The following TRIM62 variants were observed in gnomAD, a reference collection of about 807,000 sequenced individuals.
The protein encoded by TRIM62 is tripartite motif containing 62.
A neutral mutation model predicts 44.2 loss-of-function variants in TRIM62; 39 were observed. That is an observed-to-expected ratio of 0.88 (90% CI 0.68 to 1.15). The LOEUF (loss-of-function observed/expected upper bound fraction) is 1.15, where lower values mean the gene tolerates loss of function less well. Among genes scored for constraint, TRIM62 ranks in the 50% most tolerant of loss-of-function variants. TRIM62 has a pLI of 0.00. For missense variants in TRIM62, 544 were observed against 665.5 expected, an observed-to-expected ratio of 0.82 and a Z score of 2.01; for synonymous variants, 278 against 292.3, an observed-to-expected ratio of 0.95 and a Z score of 0.50.
chr1:33,147,296 A>G lies in TRIM62; in HGVS notation c.1309T>C (p.Trp437Arg). ...LIFYNADDMS[W>R]LYTFREKFPG... ...AACTTCTCGCGGAAGGTGTAGAGCC[A>G]GGACATGTCATCAGCATTGTAGAAG... Residue 437 changes from tryptophan to arginine, a missense_variant, in exon 5 of 5, where the codon TGG becomes CGG. Physicochemically the swap from Trp to Arg is moderately radical, Grantham distance 101 (BLOSUM62 -3). Coordinates refer to ENST00000291416, the MANE Select transcript of TRIM62 (RefSeq NM_018207.3). The surrounding 1 kb of genome is among the most constrained non-coding windows in gnomAD (Gnocchi z 8.1). The G allele has an allele frequency of 6.2e-7, 1 of 1,614,060 alleles. No individual in the cohort carries two copies. Among genetic ancestry groups the G allele is most frequent in the Non-Finnish European group, 8.5e-7 (1 of 1,179,998 alleles).
Position 33,147,510 on chromosome 1 carries a change from G to A in TRIM62, c.1095C>T (p.Ile365=). Residue 365 remains isoleucine, a synonymous_variant, in exon 5 of 5, where the codon ATC becomes ATT. Transcript: ENST00000291416. The surrounding 1 kb of genome is among the most constrained non-coding windows in gnomAD (Gnocchi z 8.1). ...GGCTTGCGGCTTCGTGTGCCAGCCC[G>A]ATCACCCACTGGGTCTTCTCCGCCA... is the stretch of plus-strand genomic sequence containing the variant. ...VVVAEKTQWV[I]GLAHEAASRK... 4.3e-6 allele frequency: 7 copies of A among 1,613,246 alleles called. No individual in the cohort carries two copies. The highest frequency in any genetic ancestry group is 4.5e-5 in the East Asian group (2 of 44,866).
At chr1:33,172,807 G>A (rs551814947) in intron 1 of TRIM62, among the ~76,000 whole-genome samples, 1 of 152,308 alleles carries the variant, frequency 6.6e-6, no homozygotes, top group South Asian at 2.1e-4. Flanking sequence ...GGACAAAGCA[G>A]CTGTGGAAAG....
intron 1 of TRIM62, among the ~76,000 whole-genome samples, chr1:33,169,238 C>CA (rs1455103101): frequency 6.6e-6 from 1 of 152,116 alleles, no homozygotes; most frequent in Non-Finnish European, 1.5e-5. Context: ...CTCCTCTCCC[C>CA]ATATTCCCCA....
intron 4 of TRIM62, among the ~76,000 whole-genome samples, chr1:33,155,730 A>C (rs1410847603): frequency 6.6e-6 from 1 of 152,206 alleles, no homozygotes; most frequent in Admixed American, 6.5e-5. Flanking sequence ...TCACTTCTCT[A>C]TCCAGGTCTC....
Position 33,181,294 on chromosome 1 carries a change from C to T in TRIM62, c.139G>A (p.Ala47Thr), listed in dbSNP as rs1645461678. The T allele has an allele frequency of 6.4e-7, 1 of 1,551,530 alleles. No homozygotes were observed. Residue 47 changes from alanine (A) to threonine (T), a missense_variant, in exon 1 of 5, where the codon GCC becomes ACC. By Grantham distance (58) the Ala-to-Thr change is moderately conservative (BLOSUM62 0). Transcript: ENST00000291416. The surrounding 1 kb of genome is among the most constrained non-coding windows in gnomAD (Gnocchi z 6.5). Reference protein sequence around the residue: ...EHWVRQEAQGARDCPECRRTF... With the variant: ...EHWVRQEAQGTRDCPECRRTF... ...CGCCGGCACTCGGGGCAGTCGCGGG[C>T]GCCCTGCGCCTCCTGCCGCACCCAG...
chr1:33,172,327 G>T (rs1557761195), intron 1 of TRIM62, among the ~76,000 whole-genome samples: 1 of 152,156 alleles, frequency 6.6e-6, no homozygotes, highest in Non-Finnish European at 1.5e-5. Flanking sequence ...CTCCAGGATG[G>T]GCCAGGGCAT....
chr1:33,172,242 G>A (rs534613140), intron 1 of TRIM62, among the ~76,000 whole-genome samples: 2 of 152,306 alleles, frequency 1.3e-5, no homozygotes, highest in Non-Finnish European at 2.9e-5. Context: ...GACTCAGAAC[G>A]GGGGGAGCTT....
intron 1 of TRIM62, among the ~76,000 whole-genome samples, chr1:33,168,456 G>A (rs1645347749): frequency 6.6e-6 from 1 of 152,120 alleles, no homozygotes; most frequent in Non-Finnish European, 1.5e-5. Flanking sequence ...TGGATTTCAA[G>A]CCATCAGTGT....
At position 33,181,272 on chromosome 1, in the gene TRIM62, C is replaced by T; in HGVS notation, c.161G>A (p.Arg54Gln). Residue 54 changes from arginine (R) to glutamine (Q), a missense_variant, in exon 1 of 5, where the codon CGG (arginine) becomes CAG (glutamine). Coordinates refer to ENST00000291416, the MANE Select transcript of TRIM62 (RefSeq NM_018207.3). This position sits in a 1 kb window ranked among gnomAD's most constrained non-coding sequence, Gnocchi z 6.5. ...AQGARDCPEC[R>Q]RTFAEPALAP... is the part of the protein sequence containing the mutation. ...CAGCGCGGGCTCGGCGAACGTGCGC[C>T]GGCACTCGGGGCAGTCGCGGGCGCC... 1 of 1,547,584 alleles carries T rather than the reference C, an allele frequency of 6.5e-7. No individual in the cohort carries two copies. Among genetic ancestry groups the T allele is most frequent in the Non-Finnish European group, 8.7e-7 (1 of 1,152,280 alleles).
rs1645317589 is a variant in TRIM62 at position 33,165,389 on chromosome 1, C to G, written c.504+82G>C. 2 of 1,306,918 alleles carry G rather than the reference C, an allele frequency of 1.5e-6. No individual in the cohort carries two copies. The highest frequency in any genetic ancestry group is 2.1e-6 in the Non-Finnish European group (2 of 952,330). 81.0% of individuals were successfully genotyped at this position (1,306,918 alleles called of 1,614,324 possible). A position where few individuals can be genotyped will look rare whatever the true frequency, so the allele number is the denominator to read the frequency against. ...TTCCACCGCACACCCGAGGCCCCGC[C>G]CCTCTTCCCCAGCTGGCCCCGCCCC... is the stretch of plus-strand genomic sequence containing the variant. On this transcript the variant is annotated intron_variant, in intron 2 of 4. Coordinates refer to ENST00000291416, the MANE Select transcript of TRIM62 (RefSeq NM_018207.3). The surrounding 1 kb of genome is among the most constrained non-coding windows in gnomAD (Gnocchi z 4.0).
chr1:33,170,311 C>G (rs1020848949), intron 1 of TRIM62, among the ~76,000 whole-genome samples: 5 of 84,432 alleles, frequency 5.9e-5, no homozygotes, highest in Non-Finnish European at 9.4e-5. Flanking sequence ...GTGACACAGC[C>G]CAGTCTCTTT....
chr1:33,175,951 A>G (rs1177374996), intron 1 of TRIM62, among the ~76,000 whole-genome samples: 2 of 152,200 alleles, frequency 1.3e-5, no homozygotes, highest in African/African-American at 4.8e-5. Context: ...TGTTGGCCCT[A>G]AGCTTCTACA....
intron 1 of TRIM62, among the ~76,000 whole-genome samples, chr1:33,180,116 C>A (rs1186971155): frequency 6.6e-6 from 1 of 152,036 alleles, no homozygotes; most frequent in Non-Finnish European, 1.5e-5. Context: ...TTAAGGGAGA[C>A]CGATTAGAGT....
chr1:33,181,118 C>G lies in TRIM62; in HGVS notation c.315G>C (p.Thr105=). The change falls in exon 1 of 5, where the codon ACG becomes ACC. Residue 105 remains threonine (T), a synonymous_variant. Coordinates refer to ENST00000291416, the MANE Select transcript of TRIM62 (RefSeq NM_018207.3). The surrounding 1 kb of genome is among the most constrained non-coding windows in gnomAD (Gnocchi z 6.5). Reference sequence around the variant, plus strand: ...AGAAGAAGCAGAGAAGCGCGCGGTCCGTGAGGCAGAAGAGCTTGACCTTGT... The same window carrying G: ...AGAAGAAGCAGAGAAGCGCGCGGTCGGTGAGGCAGAAGAGCTTGACCTTGT... The part of the protein sequence containing the change: ...AHDKVKLFCL[T]DRALLCFFCD... The G allele has an allele frequency of 1.9e-6, 3 of 1,600,444 alleles. No homozygotes were observed. In the East Asian group the frequency reaches 6.7e-5, roughly 36 times the overall value.
At position 33,165,130 on chromosome 1, in the gene TRIM62, G is replaced by A. The variant is rs985169530; in HGVS notation, c.504+341C>T. 62 of 209,028 alleles carry A rather than the reference G, an allele frequency of 3.0e-4. 1 individual carries two copies. Among genetic ancestry groups the A allele is most frequent in the Non-Finnish European group, 5.4e-4 (56 of 103,758 alleles). 12.9% of individuals were successfully genotyped at this position (209,028 alleles called of 1,614,324 possible). A position where few individuals can be genotyped will look rare whatever the true frequency, so the allele number is the denominator to read the frequency against. On this transcript the variant is annotated intron_variant, in intron 2 of 4. Coordinates refer to ENST00000291416, the MANE Select transcript of TRIM62 (RefSeq NM_018207.3). The surrounding 1 kb of genome is among the most constrained non-coding windows in gnomAD (Gnocchi z 4.0). ...TAAGGGGAGAGGAGAAAGAGACTGA[G>A]CACATTCCCCAGCCCTTCAGGAGGC... is the stretch of plus-strand genomic sequence containing the variant.
At chr1:33,157,244 C>T (rs1645191842) in intron 4 of TRIM62, among the ~76,000 whole-genome samples, 3 of 152,148 alleles carry the variant, frequency 2.0e-5, no homozygotes. Context: ...ACTCATCTCC[C>T]TCCAGCCACG....
intron 2 of TRIM62, among the ~76,000 whole-genome samples, chr1:33,160,480 T>C (rs1027626795): frequency 6.6e-6 from 1 of 152,050 alleles, no homozygotes; most frequent in Non-Finnish European, 1.5e-5. Context: ...TCTCGGATCA[T>C]TGCAACCTCC....
chr1:33,147,242 G>T lies in TRIM62; in HGVS notation c.1363C>A (p.Pro455Thr). 1 of 1,614,040 alleles carries T rather than the reference G, an allele frequency of 6.2e-7. No homozygotes were observed. The highest frequency in any genetic ancestry group is 8.5e-7 in the Non-Finnish European group (1 of 1,180,024). ...TTGCCATTGGCGTGGCTCTGGCCAGGGCTGAAGTAAGAGCAGAGCTTGCCA... is the reference window on the plus strand; with the variant it reads ...TTGCCATTGGCGTGGCTCTGGCCAGTGCTGAAGTAAGAGCAGAGCTTGCCA... ...FPGKLCSYFS[P>T]GQSHANGKNV... The change falls in exon 5 of 5, where the codon CCT (proline) becomes ACT (threonine). Residue 455 changes from proline to threonine, a missense_variant. Pro to Thr is a conservative substitution (Grantham distance 38). Transcript: ENST00000291416. The surrounding 1 kb of genome is among the most constrained non-coding windows in gnomAD (Gnocchi z 8.1).
At position 33,152,431 on chromosome 1, in the gene TRIM62, G is replaced by T. The variant is rs552115475; in HGVS notation, c.878-4704C>A. ...AAATACAAAAAATTAGCGGCGCATG[G>T]TGGCACATGCCTGTAATCCCAGCTA... On this transcript the variant is annotated intron_variant, in intron 4 of 4. Transcript: ENST00000291416. 4.4e-3 allele frequency among the ~76,000 whole-genome samples: 675 copies of T among 152,320 alleles called. 8 individuals are homozygous for T. The highest frequency in any genetic ancestry group is 0.016 in the African/African-American group (654 of 41,574).
Sources: gnomAD v4.1 joint callset for allele counts (sites outside exome capture counted in the v4.1 genomes callset) on GRCh38, gnomAD v4.1.1 for gene constraint, Gnocchi (gnomAD v3.1) non-coding constraint, MANE v1.5 for transcripts, NCBI Gene and HGNC (gene_info 2026-07-23, HGNC 2026-07-21) for gene names.